MIPEP: variants seen among roughly 807,000 people sequenced by gnomAD.
MIPEP encodes the protein mitochondrial intermediate peptidase.
A neutral mutation model predicts 90.3 loss-of-function variants in MIPEP; 79 were observed. That is an observed-to-expected ratio of 0.87 (90% CI 0.73 to 1.05). The LOEUF (loss-of-function observed/expected upper bound fraction) is 1.05. MIPEP is among the 50% of genes least tolerant of loss of function. MIPEP has a pLI of 0.00. For synonymous variants in MIPEP, 334 were observed against 315.8 expected (o/e 1.06, Z -0.61); for missense variants, 940 against 905.6 (o/e 1.04, Z -0.49).
chr13:23,889,374 C>G lies in MIPEP; in HGVS notation c.-54G>C. ...ACGCAGATCCCTGCCCTGCTGCTTT[C>G]GCTGGGAGCGCGCGCTCCGCGTTTC... On this transcript the variant is annotated 5_prime_UTR_variant, in exon 1 of 19. Coordinates refer to ENST00000382172, the MANE Select transcript of MIPEP (RefSeq NM_005932.4). 3 of 1,235,868 alleles carry G rather than the reference C, an allele frequency of 2.4e-6. No homozygotes were observed. The highest frequency in any genetic ancestry group is 3.0e-6 in the Non-Finnish European group (3 of 986,398). The allele number at this position is 1,235,868 out of a possible 1,614,324, so 76.6% of individuals were successfully genotyped here. A position where few individuals can be genotyped will look rare whatever the true frequency, so the allele number is the denominator to read the frequency against.
rs78839704 is a variant in MIPEP at position 23,845,785 on chromosome 13, G to A, written c.1107-4297C>T. On this transcript the variant is annotated intron_variant, in intron 10 of 18. Transcript: ENST00000382172. Reference sequence around the variant, plus strand: ...ACTCTCGCCAATGTAATTCTGTTACGTTTCTTTTAATGCTTCCTTTATTTT... The same window carrying A: ...ACTCTCGCCAATGTAATTCTGTTACATTTCTTTTAATGCTTCCTTTATTTT... Among the ~76,000 whole-genome samples the A allele has an allele frequency of 4.3e-3, 655 of 152,210 alleles. 2 individuals are homozygous for A. Among genetic ancestry groups the A allele is most frequent in the African/African-American group, 0.015 (626 of 41,530 alleles).
intron 14 of MIPEP, among the ~76,000 whole-genome samples, chr13:23,832,707 A>G (rs892306455): frequency 9.9e-5 from 15 of 152,162 alleles, no homozygotes; most frequent in African/African-American, 3.4e-4. Context: ...ATTGAAGGAG[A>G]TTTATGGGAA....
chr13:23,800,661 T>C (rs1472950693), intron 16 of MIPEP, among the ~76,000 whole-genome samples: 1 of 152,238 alleles, frequency 6.6e-6, no homozygotes, highest in East Asian at 1.9e-4. Flanking sequence ...AGGCTATTTA[T>C]TGACTTGTAA....
intron 18 of MIPEP, among the ~76,000 whole-genome samples, chr13:23,740,649 C>T (rs1333113230): frequency 6.6e-6 from 1 of 152,176 alleles, no homozygotes; most frequent in Non-Finnish European, 1.5e-5. Flanking sequence ...TTAAATGATT[C>T]TGTCTTTCCT....
At chr13:23,797,945 G>A (rs1268287827) in intron 16 of MIPEP, among the ~76,000 whole-genome samples, 3 of 152,160 alleles carry the variant, frequency 2.0e-5, no homozygotes, top group African/African-American at 7.2e-5. Flanking sequence ...CAGATATAAT[G>A]ATGAATTGGT....
Position 23,805,955 on chromosome 13 carries a change from T to G in MIPEP, c.1843A>C (p.Asn615His). Residue 615 changes from asparagine (N) to histidine (H), a missense_variant, in exon 16 of 19, where the codon AAT (asparagine) becomes CAT (histidine). Transcript: ENST00000382172. ...EKFYGLPYVP[N>H]TAWQLRFSHL... ...AAGCCAAATGCTGGACTCACAGTAT[T>G]TGGAACATATGGTAGGCCATAGAAT... The G allele has an allele frequency of 1.9e-6, 3 of 1,613,950 alleles. No homozygotes were observed. Among genetic ancestry groups the G allele is most frequent in the Non-Finnish European group, 2.5e-6 (3 of 1,179,912 alleles).
chr13:23,753,437 T>C lies in MIPEP; in HGVS notation c.2044+3108A>G, dbSNP rs182461259. ...GAAAATACTGTTTTAACCACTATTA[T>C]GTTGCCTTCAAATGGTATTTGGTGT... On this transcript the variant is annotated intron_variant, in intron 18 of 18. Coordinates refer to ENST00000382172, the MANE Select transcript of MIPEP (RefSeq NM_005932.4). Among the ~76,000 whole-genome samples the C allele has an allele frequency of 2.1e-3, 314 of 152,298 alleles. 2 individuals carry two copies. Among genetic ancestry groups the C allele is most frequent in the African/African-American group, 7.0e-3 (291 of 41,586 alleles).
intron 15 of MIPEP, among the ~76,000 whole-genome samples, chr13:23,806,867 A>G (rs915271932): frequency 2.0e-5 from 3 of 152,182 alleles, no homozygotes; most frequent in Non-Finnish European, 4.4e-5. Flanking sequence ...TAAATGAGAG[A>G]AATGAAACGG....
At chr13:23,877,226 C>T (rs559431425) in intron 4 of MIPEP, among the ~76,000 whole-genome samples, 1 of 152,194 alleles carries the variant, frequency 6.6e-6, no homozygotes, top group South Asian at 2.1e-4. Flanking sequence ...AATTGGATAG[C>T]ATTAAACTTA....
intron 4 of MIPEP, among the ~76,000 whole-genome samples, chr13:23,875,710 T>C (rs1593205826): frequency 1.3e-5 from 2 of 152,320 alleles, no homozygotes; most frequent in South Asian, 4.1e-4. Flanking sequence ...TTTATCGTAT[T>C]ACACAATATA....
intron 16 of MIPEP, among the ~76,000 whole-genome samples, chr13:23,787,807 T>C (rs776480219): frequency 4.6e-5 from 7 of 152,160 alleles, no homozygotes; most frequent in Non-Finnish European, 8.8e-5. Flanking sequence ...GAATTTAGGC[T>C]CTAGGGAAAT....
intron 14 of MIPEP, among the ~76,000 whole-genome samples, chr13:23,827,967 G>C (rs761870141): frequency 3.9e-5 from 6 of 152,124 alleles, no homozygotes; most frequent in Non-Finnish European, 7.4e-5. Context: ...GCAAACTAAA[G>C]CCAGCTCTGC....
chr13:23,864,325 C>A, intron 7 of MIPEP, 136 bp from the exon 8 acceptor site: 1 of 635,244 alleles, frequency 1.6e-6, no homozygotes. Context: ...GGAAGTAGAG[C>A]TACCAACATA....
intron 17 of MIPEP, among the ~76,000 whole-genome samples, chr13:23,759,505 T>C: frequency 8.3e-6 from 1 of 121,016 alleles, no homozygotes; most frequent in South Asian, 2.9e-4. Flanking sequence ...CACACCCCCC[T>C]AGACAGCACA....
chr13:23,769,061 T>C (rs1831093990), intron 16 of MIPEP, among the ~76,000 whole-genome samples: 1 of 152,170 alleles, frequency 6.6e-6, no homozygotes, highest in South Asian at 2.1e-4. Flanking sequence ...TTCTTCCCAG[T>C]CAAAACTCTT....
chr13:23,800,483 G>T (rs909635944), intron 16 of MIPEP, among the ~76,000 whole-genome samples: 1 of 152,220 alleles, frequency 6.6e-6, no homozygotes, highest in Non-Finnish European at 1.5e-5. Context: ...AGGTGAGCCT[G>T]TTGGTATATG....
chr13:23,791,158 C>T (rs1318429166), intron 16 of MIPEP, among the ~76,000 whole-genome samples: 1 of 152,180 alleles, frequency 6.6e-6, no homozygotes. Context: ...GTCACAGTTG[C>T]TCTGAATAAC....
chr13:23,837,886 C>A, intron 12 of MIPEP, 130 bp from the exon 13 acceptor site: 1 of 649,162 alleles, frequency 1.5e-6, no homozygotes, highest in Non-Finnish European at 2.6e-6. Flanking sequence ...TATTCTTATT[C>A]TATCTATTTA....
chr13:23,775,105 T>TTCTC (rs1376200727), intron 16 of MIPEP, among the ~76,000 whole-genome samples: 551 of 26,848 alleles, frequency 0.021, 9 homozygotes, highest in African/African-American at 0.051. Context: ...AGCCTATCAG[T>TTCTC]TCTCTGTGTG....
Sources: gnomAD v4.1 joint callset for allele counts (sites outside exome capture counted in the v4.1 genomes callset) on GRCh38, gnomAD v4.1.1 for gene constraint, MANE v1.5 for transcripts, NCBI Gene and HGNC (gene_info 2026-07-23, HGNC 2026-07-21) for gene names.